The following ADGRL3 variants were observed in gnomAD, a reference collection of about 807,000 sequenced individuals.
The protein encoded by ADGRL3 is adhesion G protein-coupled receptor L3.
In ADGRL3, 62 loss-of-function variants were observed where a neutral mutation model predicts 153.5. The observed-to-expected ratio is 0.40, with a 90% CI of 0.33 to 0.50. ADGRL3 has a LOEUF of 0.50. Ranked by LOEUF, ADGRL3 falls within the 20% of genes least tolerant of loss-of-function variation. The pLI, the probability that ADGRL3 is intolerant of heterozygous loss-of-function variation, is 0.47. For synonymous variants in ADGRL3, 710 were observed against 672.5 expected, an observed-to-expected ratio of 1.06 and a Z score of -0.86; for missense variants, 1,641 against 1,859.4, an observed-to-expected ratio of 0.88 and a Z score of 2.16.
chr4:61,756,680 G>C (rs969870495), intron 8 of ADGRL3, among the ~76,000 whole-genome samples: 9 of 152,132 alleles, frequency 5.9e-5, no homozygotes, highest in African/African-American at 2.2e-4. Flanking sequence ...GTGAAAAAGG[G>C]CATCCCTGTC....
intron 4 of ADGRL3, among the ~76,000 whole-genome samples, chr4:61,525,811 G>A (rs2098555465): frequency 6.6e-6 from 1 of 152,066 alleles, no homozygotes; most frequent in South Asian, 2.1e-4. Context: ...GATGTCAAGA[G>A]GGAGCATTGC....
chr4:62,006,032 A>ATATATATTTTTT (rs1203029363), intron 21 of ADGRL3, among the ~76,000 whole-genome samples: 3 of 73,090 alleles, frequency 4.1e-5, no homozygotes, highest in African/African-American at 1.5e-4. Context: ...ATATATATAT[A>ATATATATTTTTT]TTTTTTTTTT....
At chr4:61,225,165 C>T (rs917073304) in intron 1 of ADGRL3, among the ~76,000 whole-genome samples, 2 of 152,156 alleles carry the variant, frequency 1.3e-5, no homozygotes, top group African/African-American at 4.8e-5. Context: ...GTAATTTGTA[C>T]TCTGGTACTT....
At chr4:61,207,637 A>G (rs2148795397) in intron 1 of ADGRL3, among the ~76,000 whole-genome samples, 1 of 152,152 alleles carries the variant, frequency 6.6e-6, no homozygotes, top group East Asian at 1.9e-4. Context: ...ATCTTCCACA[A>G]TGGTTGAACT....
intron 5 of ADGRL3, among the ~76,000 whole-genome samples, chr4:61,646,623 A>T (rs1338833741): frequency 6.6e-6 from 1 of 151,930 alleles, no homozygotes; most frequent in African/African-American, 2.4e-5. Context: ...TTGAGGAGGC[A>T]GTCTGCCCGT....
intron 5 of ADGRL3, among the ~76,000 whole-genome samples, chr4:61,643,223 G>A (rs1423055834): frequency 1.3e-5 from 2 of 152,016 alleles, no homozygotes; most frequent in East Asian, 1.9e-4. Context: ...ATACAATCAT[G>A]TTGTCTGCAA....
intron 3 of ADGRL3, 74 bp from the exon 4 acceptor site, chr4:61,517,241 G>A: frequency 1.5e-6 from 1 of 679,332 alleles, no homozygotes. Context: ...CTTGGGAATA[G>A]CCTCTACCAG....
At chr4:61,759,320 A>G (rs940190674) in intron 8 of ADGRL3, among the ~76,000 whole-genome samples, 2 of 152,136 alleles carry the variant, frequency 1.3e-5, no homozygotes, top group African/African-American at 2.4e-5. Flanking sequence ...AATCAGACGT[A>G]GATTTGGTGT....
intron 4 of ADGRL3, among the ~76,000 whole-genome samples, chr4:61,563,647 G>A (rs901364391): frequency 3.3e-5 from 5 of 152,320 alleles, no homozygotes; most frequent in African/African-American, 1.2e-4. Context: ...TGGGTAACTT[G>A]CTGCAGCTTC....
At chr4:61,883,811 T>C (rs2098521966) in intron 9 of ADGRL3, among the ~76,000 whole-genome samples, 1 of 152,180 alleles carries the variant, frequency 6.6e-6, no homozygotes, top group African/African-American at 2.4e-5. Context: ...TGTTGTAGCG[T>C]CCATAAGATA....
At chr4:61,588,096 A>G (rs1660717006) in intron 5 of ADGRL3, among the ~76,000 whole-genome samples, 1 of 151,730 alleles carries the variant, frequency 6.6e-6, no homozygotes, top group Non-Finnish European at 1.5e-5. Context: ...TAAGGTTTAA[A>G]TTATGTTAAA....
chr4:61,305,638 G>A (rs528844209), intron 1 of ADGRL3, among the ~76,000 whole-genome samples: 28 of 152,052 alleles, frequency 1.8e-4, no homozygotes, highest in Non-Finnish European at 2.9e-4. Context: ...TGACAAAGTC[G>A]GTCCCCCAAA....
chr4:61,565,453 G>GGAA (rs1238016562), intron 4 of ADGRL3, among the ~76,000 whole-genome samples: 1 of 152,038 alleles, frequency 6.6e-6, no homozygotes, highest in African/African-American at 2.4e-5. Flanking sequence ...GACAAAAATT[G>GGAA]GAACTTAAAT....
At chr4:61,434,351 C>T (rs901089850) in intron 2 of ADGRL3, among the ~76,000 whole-genome samples, 14 of 152,064 alleles carry the variant, frequency 9.2e-5, no homozygotes, top group Middle Eastern at 6.8e-3. Context: ...TTTTGATGAA[C>T]GCTTTCTGGA....
intron 2 of ADGRL3, among the ~76,000 whole-genome samples, chr4:61,400,246 T>C (rs1434846284): frequency 2.0e-5 from 3 of 151,782 alleles, no homozygotes; most frequent in African/African-American, 7.2e-5. Flanking sequence ...TAGAAATGAA[T>C]ATAAATATTA....
chr4:61,310,701 A>G (rs927471252), intron 1 of ADGRL3, among the ~76,000 whole-genome samples: 30 of 151,964 alleles, frequency 2.0e-4, no homozygotes, highest in African/African-American at 7.2e-4. Context: ...ACTACTTTCT[A>G]AGAAACTCTT....
chr4:62,037,779 A>G lies in ADGRL3; in HGVS notation c.3640A>G (p.Lys1214Glu). The change falls in exon 24 of 27, where the codon AAA becomes GAA. Residue 1214 changes from lysine (K) to glutamate (E), a missense_variant. Transcript: ENST00000683033. Reference sequence around the variant, plus strand: ...CCTGCGAACACATTGCTGTAGTGGCAAAAGTACAGAGAGTTCCATTGGTTC... The same window carrying G: ...CCTGCGAACACATTGCTGTAGTGGCGAAAGTACAGAGAGTTCCATTGGTTC... The part of the protein sequence containing the change: ...KCLRTHCCSG[K>E]STESSIGSGK... The G allele has an allele frequency of 6.2e-7, 1 of 1,613,820 alleles. No homozygotes were observed.
chr4:61,544,187 C>T (rs1356144039), intron 4 of ADGRL3, among the ~76,000 whole-genome samples: 1 of 152,202 alleles, frequency 6.6e-6, no homozygotes, highest in Non-Finnish European at 1.5e-5. Context: ...TCAGTTTTCA[C>T]TTGCACCAGT....
At chr4:61,903,650 C>CAAAAAAAAAAAAAAA (rs55879235) in intron 11 of ADGRL3, among the ~76,000 whole-genome samples, 14 of 72,358 alleles carry the variant, frequency 1.9e-4, no homozygotes, top group East Asian at 5.9e-4. Context: ...TGGGAAACAG[C>CAAAAAAAAAAAAAAA]AAAAAAAAAA....
Sources: allele counts gnomAD v4.1 joint callset (sites outside exome capture counted in the v4.1 genomes callset), GRCh38; gene constraint gnomAD v4.1.1; transcripts MANE v1.5; gene names NCBI Gene and HGNC (gene_info 2026-07-23, HGNC 2026-07-21).